Variants in UBE2U observed in about 807,000 individuals in gnomAD.
UBE2U encodes the protein ubiquitin-conjugating enzyme E2 U.
In UBE2U, 39 loss-of-function variants were observed where a neutral mutation model predicts 41.2. The observed-to-expected ratio is 0.95, with a 90% confidence interval of 0.73 to 1.24. The LOEUF is 1.24. Among genes scored for constraint, UBE2U ranks in the 50% most tolerant of loss-of-function variants. UBE2U has a pLI of 0.00. For missense variants in UBE2U, 336 were observed against 363.1 expected (o/e 0.93, Z 0.61); for synonymous variants, 107 against 117.8 (o/e 0.91, Z 0.60).
intron 8 of UBE2U, among the ~76,000 whole-genome samples, chr1:64,242,592 TA>T (rs36005854): frequency 0.012 from 1,819 of 152,144 alleles, 26 homozygotes; most frequent in African/African-American, 0.042. Flanking sequence ...GAATTGAATA[TA>T]TTTTTTTAAA....
At chr1:64,210,106 G>A (rs1355683369) in intron 3 of UBE2U, among the ~76,000 whole-genome samples, 2 of 152,024 alleles carry the variant, frequency 1.3e-5, no homozygotes, top group African/African-American at 4.8e-5. Context: ...TATTAATCTT[G>A]TCCTTTGAGG....
In UBE2U at chr1:64,245,212, G is replaced by C. The variant is rs925270610; in HGVS notation, c.677+3479G>C. On this transcript the variant is annotated intron_variant, in intron 8 of 9. Transcript: ENST00000371077. ...AGCCTTTTTTCTTTCCTATTGGCTT[G>C]AGTGTCTTTTGTATTCATGAAAGTG... Among the ~76,000 whole-genome samples, 4 of 152,218 alleles carry C rather than the reference G, an allele frequency of 2.6e-5. No homozygotes were observed. The East Asian group carries it at 7.7e-4, about 29-fold the overall frequency.
chr1:64,224,622 C>G (rs910171892), intron 6 of UBE2U, among the ~76,000 whole-genome samples: 3 of 151,814 alleles, frequency 2.0e-5, no homozygotes, highest in African/African-American at 7.3e-5. Context: ...ACTCAGGAGG[C>G]TGAGTCAGGA....
chr1:64,216,779 C>T (rs1652048821), intron 5 of UBE2U, among the ~76,000 whole-genome samples: 1 of 152,218 alleles, frequency 6.6e-6, no homozygotes, highest in African/African-American at 2.4e-5. Flanking sequence ...ATAGCTAGGT[C>T]TTTGCCTCAG....
intron 8 of UBE2U, among the ~76,000 whole-genome samples, chr1:64,246,672 T>A (rs4915956): frequency 0.17 from 25,863 of 152,066 alleles, 2,878 homozygotes; most frequent in Non-Finnish European, 0.25. Flanking sequence ...TGCTTGGATG[T>A]TTTTAGAGAT....
intron 7 of UBE2U, among the ~76,000 whole-genome samples, chr1:64,236,304 A>G (rs1644665942): frequency 6.6e-6 from 1 of 152,142 alleles, no homozygotes; most frequent in South Asian, 2.1e-4. Context: ...CTCACTCCAC[A>G]TTTGTTGCTC....
intron 8 of UBE2U, among the ~76,000 whole-genome samples, chr1:64,252,162 G>T (rs560230265): frequency 6.6e-6 from 1 of 152,132 alleles, no homozygotes. Context: ...TTCTTTAAGC[G>T]AGATCCCAGT....
chr1:64,238,555 A>T lies in UBE2U; in HGVS notation c.596-3097A>T, dbSNP rs76309460. On this transcript the variant is annotated intron_variant, in intron 7 of 9. Coordinates refer to ENST00000371077, the MANE Select transcript of UBE2U (RefSeq NM_001366232.2). ...GGAGCATATATCCAAATACCAATAA[A>T]AAGTATTAATAACGTCTGTAAGAAT... Among the ~76,000 whole-genome samples the T allele has an allele frequency of 3.3e-3, 502 of 152,298 alleles. 8 individuals carry two copies. In the East Asian group the frequency reaches 0.044, roughly 13 times the overall value.
intron 8 of UBE2U, chr1:64,244,112 C>A: frequency 6.3e-7 from 1 of 1,581,618 alleles, no homozygotes; most frequent in Non-Finnish European, 8.7e-7. Flanking sequence ...TTTACTGTGG[C>A]CCTCATTCAA....
At chr1:64,209,654 G>T (rs1569952006) in intron 3 of UBE2U, among the ~76,000 whole-genome samples, 1 of 152,032 alleles carries the variant, frequency 6.6e-6, no homozygotes, top group Non-Finnish European at 1.5e-5. Flanking sequence ...GGGAGAGAAG[G>T]GTTATTTACT....
intron 7 of UBE2U, among the ~76,000 whole-genome samples, chr1:64,239,340 A>G (rs1362455856): frequency 1.3e-5 from 2 of 151,972 alleles, no homozygotes; most frequent in Non-Finnish European, 2.9e-5. Flanking sequence ...TTCATGTAAA[A>G]ATTACCAGTG....
chr1:64,265,283 A>G (rs533398050), intron 9 of UBE2U, among the ~76,000 whole-genome samples: 102 of 152,278 alleles, frequency 6.7e-4, no homozygotes, highest in African/African-American at 2.5e-3. Context: ...ATGTGAGATA[A>G]AACACTCTCC....
At chr1:64,239,080 GGAAGAGGAAGAGGAAGAAGAAGAAGAA>G (rs1644733491) in intron 7 of UBE2U, among the ~76,000 whole-genome samples, 2 of 54,824 alleles carry the variant, frequency 3.6e-5, no homozygotes, top group Admixed American at 2.8e-4. Context: ...AAGAGGAAGA[GGAAGAGGAAGAGGAAGAAGAAGAAGAA>G]GAAGAAGAAG....
intron 7 of UBE2U, among the ~76,000 whole-genome samples, chr1:64,239,525 C>T (rs1366641295): frequency 8.4e-6 from 1 of 118,598 alleles, no homozygotes; most frequent in Non-Finnish European, 1.7e-5. Context: ...CCCCTCCCCC[C>T]ACCCCACGAC....
chr1:64,259,834 T>C (rs1645154204), intron 8 of UBE2U, among the ~76,000 whole-genome samples: 1 of 152,086 alleles, frequency 6.6e-6, no homozygotes, highest in African/African-American at 2.4e-5. Context: ...TTAATTTTTC[T>C]GATAGAATTT....
intron 8 of UBE2U, among the ~76,000 whole-genome samples, chr1:64,251,074 TAAATC>T (rs1370735565): frequency 6.6e-6 from 1 of 151,406 alleles, no homozygotes; most frequent in Non-Finnish European, 1.5e-5. Flanking sequence ...AAAAAATAAA[TAAATC>T]AATAAATAGG....
chr1:64,248,083 G>A (rs867551933), intron 8 of UBE2U, among the ~76,000 whole-genome samples: 3 of 152,064 alleles, frequency 2.0e-5, no homozygotes, highest in South Asian at 2.1e-4. Flanking sequence ...AACACTAAAC[G>A]AACTAAGACA....
intron 7 of UBE2U, among the ~76,000 whole-genome samples, chr1:64,239,168 A>AGAGGAAGAAGAG (rs1557731234): frequency 4.2e-5 from 3 of 72,262 alleles, no homozygotes; most frequent in African/African-American, 5.7e-5. Context: ...AAGAAGAAGA[A>AGAGGAAGAAGAG]GAAGAAGAAG....
At chr1:64,258,950 C>T (rs556478493) in intron 8 of UBE2U, among the ~76,000 whole-genome samples, 3 of 152,138 alleles carry the variant, frequency 2.0e-5, no homozygotes, top group Non-Finnish European at 4.4e-5. Context: ...AGTGTAAAAG[C>T]GTTTCTATTT....
Sources: allele counts gnomAD v4.1 joint callset (sites outside exome capture counted in the v4.1 genomes callset), GRCh38; gene constraint gnomAD v4.1.1; transcripts MANE v1.5; gene names NCBI Gene and HGNC (gene_info 2026-07-23, HGNC 2026-07-21).